CBLB: variants seen among roughly 807,000 people sequenced by gnomAD.
CBLB encodes the protein E3 ubiquitin-protein ligase CBL-B.
A neutral mutation model predicts 104.9 loss-of-function variants in CBLB; 31 were observed. That is an observed-to-expected ratio of 0.30 (90% CI 0.22 to 0.40). CBLB has a LOEUF of 0.40. CBLB is among the 10% of genes least tolerant of loss of function. The pLI, the probability that CBLB is intolerant of heterozygous loss-of-function variation, is 1.00. For missense variants in CBLB, 1,062 were observed against 1,214.6 expected (o/e 0.87, Z 1.87); for synonymous variants, 440 against 422.6 (o/e 1.04, Z -0.51).
At chr3:105,698,605 C>CAAAA (rs34896633) in intron 12 of CBLB, among the ~76,000 whole-genome samples, 95 of 80,738 alleles carry the variant, frequency 1.2e-3, no homozygotes, top group East Asian at 3.8e-3. Context: ...ACCATTTGAC[C>CAAAA]AAAAAAAAAA....
chr3:105,662,302 G>T (rs1297111875), intron 18 of CBLB, among the ~76,000 whole-genome samples: 2 of 152,176 alleles, frequency 1.3e-5, no homozygotes, highest in Non-Finnish European at 2.9e-5. Context: ...AGGAAGCAAT[G>T]AAATGAAGAT....
chr3:105,707,708 A>G (rs1428966235), intron 10 of CBLB, among the ~76,000 whole-genome samples: 1 of 152,112 alleles, frequency 6.6e-6, no homozygotes, highest in Admixed American at 6.6e-5. Context: ...TTCCTATTTG[A>G]AAGTCTACGG....
intron 2 of CBLB, among the ~76,000 whole-genome samples, chr3:105,858,893 A>T (rs1415708706): frequency 6.6e-6 from 1 of 152,210 alleles, no homozygotes; most frequent in Non-Finnish European, 1.5e-5. Flanking sequence ...CTCTCTCTGT[A>T]CATGCATTGT....
At chr3:105,673,944 G>A (rs2065340706) in intron 17 of CBLB, 2 of 152,096 alleles carry the variant, frequency 1.3e-5, no homozygotes. Context: ...TTATCATCCT[G>A]GTTGCACTTT....
intron 3 of CBLB, among the ~76,000 whole-genome samples, chr3:105,845,166 C>CT (rs1463868436): frequency 2.0e-5 from 3 of 151,784 alleles, no homozygotes; most frequent in Non-Finnish European, 4.4e-5. Flanking sequence ...TGTGAGTTTG[C>CT]TTAATATATA....
intron 3 of CBLB, among the ~76,000 whole-genome samples, chr3:105,793,098 G>C (rs920172584): frequency 1.3e-5 from 2 of 152,082 alleles, no homozygotes; most frequent in Non-Finnish European, 2.9e-5. Context: ...GTCGAGCACT[G>C]TTAACTTATT....
intron 15 of CBLB, 34 bp from the exon 16 acceptor site, chr3:105,681,644 A>C: frequency 6.2e-7 from 1 of 1,613,912 alleles, no homozygotes. Context: ...ATGTATTTTC[A>C]GTACAATGGC....
intron 18 of CBLB, among the ~76,000 whole-genome samples, chr3:105,668,792 C>T (rs1280262403): frequency 3.9e-5 from 6 of 152,102 alleles, no homozygotes; most frequent in Non-Finnish European, 5.9e-5. Context: ...TGCATGGCAT[C>T]GAGCACGTAA....
intron 17 of CBLB, chr3:105,673,825 T>C (rs1217192760): frequency 6.6e-6 from 1 of 152,154 alleles, no homozygotes; most frequent in East Asian, 1.9e-4. Context: ...ATGGAAAAAA[T>C]ATAATCCTTC....
At chr3:105,813,723 T>G (rs2084630470) in intron 3 of CBLB, among the ~76,000 whole-genome samples, 1 of 152,172 alleles carries the variant, frequency 6.6e-6, no homozygotes, top group South Asian at 2.1e-4. Flanking sequence ...ATGAAACAAG[T>G]AAGCAGCTAT....
chr3:105,673,189 C>CTCCCAA (rs1213899326), intron 17 of CBLB: 1 of 151,852 alleles, frequency 6.6e-6, no homozygotes, highest in Non-Finnish European at 1.5e-5. Flanking sequence ...TTGCCTTGGC[C>CTCCCAA]TCCCAAGTAG....
At chr3:105,814,946 T>C (rs1294941628) in intron 3 of CBLB, among the ~76,000 whole-genome samples, 1 of 122,908 alleles carries the variant, frequency 8.1e-6, no homozygotes, top group African/African-American at 3.1e-5. Context: ...CTGTATCTCC[T>C]GCCCCTGTGT....
In CBLB at chr3:105,867,552, T is replaced by C. The variant is rs1208464794; in HGVS notation, c.26A>G (p.Asn9Ser). 3 of 1,613,978 alleles carry C rather than the reference T, an allele frequency of 1.9e-6. No homozygotes were observed. Among genetic ancestry groups the C allele is most frequent in the Admixed American group, 3.3e-5 (2 of 60,000 alleles). MANSMNGR[N>S]PGGRGGNPRK... ...GGGATTTCCTCCTCGACCACCAGGG[T>C]TTCTGCCATTCATTGAGTTTGCCAT... is the stretch of plus-strand genomic sequence containing the variant. The change falls in exon 2 of 19, where the codon AAC becomes AGC. Residue 9 changes from asparagine to serine, a missense_variant. Transcript: ENST00000394030.
Position 105,868,894 on chromosome 3 carries a change from T to G in CBLB, c.-173A>C. ...ACCCAGCGCGCAGGCCTCCGAGACG[T>G]GGAAACGCAACAATTACCGTCAAGA... On this transcript the variant is annotated 5_prime_UTR_variant, in exon 1 of 19. Coordinates refer to ENST00000394030, the MANE Select transcript of CBLB (RefSeq NM_170662.5). The G allele has an allele frequency of 3.0e-6, 3 of 1,003,302 alleles. No homozygotes were observed. Among genetic ancestry groups the G allele is most frequent in the South Asian group, 4.1e-5 (1 of 24,562 alleles). 62.1% of individuals were successfully genotyped at this position (1,003,302 alleles called of 1,614,324 possible). A position where few individuals can be genotyped will look rare whatever the true frequency, so the allele number is the denominator to read the frequency against.
chr3:105,755,275 G>A lies in CBLB; in HGVS notation c.567-3657C>T, dbSNP rs192884387. 8.5e-4 allele frequency among the ~76,000 whole-genome samples: 129 copies of A among 151,932 alleles called. 1 individual carries two copies. The highest frequency in any genetic ancestry group is 3.4e-3 in the Middle Eastern group (1 of 294). ...TTCCCACCTATGAGTGAGAATATGC[G>A]GTGGAAAAACAGTATCTTTTCAAAG... On this transcript the variant is annotated intron_variant, in intron 4 of 18. Coordinates refer to ENST00000394030, the MANE Select transcript of CBLB (RefSeq NM_170662.5).
At chr3:105,819,960 C>T (rs1227007142) in intron 3 of CBLB, among the ~76,000 whole-genome samples, 2 of 152,106 alleles carry the variant, frequency 1.3e-5, no homozygotes, top group Admixed American at 6.5e-5. Flanking sequence ...GATCCAAGTG[C>T]ACTACATTTA....
intron 3 of CBLB, among the ~76,000 whole-genome samples, chr3:105,818,229 C>T (rs913599253): frequency 1.3e-4 from 20 of 151,996 alleles, no homozygotes; most frequent in Admixed American, 1.0e-3. Context: ...CATGTAAAAT[C>T]GAATCCTAGA....
intron 12 of CBLB, among the ~76,000 whole-genome samples, chr3:105,696,591 C>T (rs752158308): frequency 2.6e-5 from 4 of 151,860 alleles, no homozygotes; most frequent in Non-Finnish European, 5.9e-5. Context: ...GAATCCTCAA[C>T]TAAGAAACAT....
At chr3:105,856,818 T>C (rs1168956883) in intron 2 of CBLB, among the ~76,000 whole-genome samples, 3 of 152,220 alleles carry the variant, frequency 2.0e-5, no homozygotes, top group Non-Finnish European at 4.4e-5. Context: ...GAGCTTTTTT[T>C]ACCCCCTTTT....
Sources: gnomAD v4.1 joint callset for allele counts (sites outside exome capture counted in the v4.1 genomes callset) on GRCh38, gnomAD v4.1.1 for gene constraint, MANE v1.5 for transcripts, NCBI Gene and HGNC (gene_info 2026-07-23, HGNC 2026-07-21) for gene names.